CCDC192: variants seen among roughly 807,000 people sequenced by gnomAD.
CCDC192 encodes the protein coiled-coil domain containing 192.
rs13186383 is a variant in CCDC192 at position 127,792,808 on chromosome 5, A to G, written c.223-4295A>G. Among the ~76,000 whole-genome samples, 7 of 121,102 alleles carry G rather than the reference A, an allele frequency of 5.8e-5. No homozygotes were observed. The East Asian group carries it at 1.2e-3, about 22-fold the overall frequency. 79.4% of individuals were successfully genotyped at this position (121,102 alleles called of 152,430 possible). A position where few individuals can be genotyped will look rare whatever the true frequency, so the allele number is the denominator to read the frequency against. Reference sequence around the variant, plus strand: ...GAAGAAGAAGAAGAAGGAGGAGGAGAAGAGGAAGAAGAAGAAGAAGGAGGA... The same window carrying G: ...GAAGAAGAAGAAGAAGGAGGAGGAGGAGAGGAAGAAGAAGAAGAAGGAGGA... On this transcript the variant is annotated intron_variant, in intron 3 of 6. Coordinates refer to ENST00000514853, the MANE Select transcript of CCDC192 (RefSeq NM_001317938.2).
chr5:127,867,569 G>T (rs1459280141), intron 5 of CCDC192, among the ~76,000 whole-genome samples: 4 of 152,116 alleles, frequency 2.6e-5, no homozygotes, highest in Non-Finnish European at 5.9e-5. Flanking sequence ...GGCCCTTTGG[G>T]CACTTTCTGT....
rs1248314467 is a variant in CCDC192 at position 127,941,358 on chromosome 5, CG to C, written c.714del (p.Ser239ValfsTer43). ...ERKIQQLEAE[R>X]SPHPPQEVKD... ...GAAGATTCAGCAGCTGGAAGCTGAG[CG>C]GAGTCCCCATCCTCCCCAAGAGGTC... is the stretch of plus-strand genomic sequence containing the variant. On this transcript the variant is annotated frameshift_variant, in exon 7 of 7. Transcript: ENST00000514853. LOFTEE classifies it low-confidence loss of function (END_TRUNC). The C allele has an allele frequency of 5.0e-6, 2 of 398,958 alleles. No homozygotes were observed. Among genetic ancestry groups the C allele is most frequent in the African/African-American group, 4.1e-5 (2 of 48,620 alleles). 24.7% of individuals were successfully genotyped at this position (398,958 alleles called of 1,614,324 possible). A position where few individuals can be genotyped will look rare whatever the true frequency, so the allele number is the denominator to read the frequency against.
intron 3 of CCDC192, among the ~76,000 whole-genome samples, chr5:127,794,310 A>G (rs1251726974): frequency 6.6e-6 from 1 of 152,200 alleles, no homozygotes; most frequent in Non-Finnish European, 1.5e-5. Flanking sequence ...GATGTCCACT[A>G]CTGAAAACTT....
intron 5 of CCDC192, among the ~76,000 whole-genome samples, chr5:127,806,272 C>T (rs912310166): frequency 2.6e-5 from 4 of 152,140 alleles, no homozygotes; most frequent in Non-Finnish European, 5.9e-5. Context: ...GGGTTCATTA[C>T]ATCACACAAG....
intron 5 of CCDC192, among the ~76,000 whole-genome samples, chr5:127,832,737 T>C (rs1457153226): frequency 1.3e-5 from 2 of 152,090 alleles, no homozygotes; most frequent in Non-Finnish European, 2.9e-5. Context: ...CTGAACCAAA[T>C]CACCAAAACC....
intron 6 of CCDC192, among the ~76,000 whole-genome samples, chr5:127,933,158 G>C (rs1241972346): frequency 6.6e-6 from 1 of 152,134 alleles, no homozygotes; most frequent in Non-Finnish European, 1.5e-5. Flanking sequence ...GGAGGAATAG[G>C]TTACGTGCTA....
At chr5:127,906,864 A>T (rs1753211238) in intron 6 of CCDC192, among the ~76,000 whole-genome samples, 1 of 152,124 alleles carries the variant, frequency 6.6e-6, no homozygotes, top group Non-Finnish European at 1.5e-5. Flanking sequence ...TAGAAGTGAA[A>T]TTTCTAGGTC....
intron 5 of CCDC192, among the ~76,000 whole-genome samples, chr5:127,849,037 C>T (rs1750684627): frequency 6.6e-6 from 1 of 152,024 alleles, no homozygotes; most frequent in African/African-American, 2.4e-5. Context: ...TGAGGCCAGC[C>T]TGGCCAATGT....
chr5:127,802,131 A>G (rs758569964), intron 5 of CCDC192, among the ~76,000 whole-genome samples: 14 of 152,142 alleles, frequency 9.2e-5, no homozygotes, highest in Non-Finnish European at 1.6e-4. Context: ...AATACACTAC[A>G]CTTTGTTGAC....
intron 3 of CCDC192, among the ~76,000 whole-genome samples, chr5:127,795,310 A>C (rs1400598403): frequency 2.1e-5 from 3 of 145,770 alleles, no homozygotes; most frequent in Admixed American, 7.0e-5. Flanking sequence ...AAAAAAAAAA[A>C]CAATTTGGTA....
intron 5 of CCDC192, among the ~76,000 whole-genome samples, chr5:127,864,435 G>A (rs1434810875): frequency 6.6e-6 from 1 of 152,182 alleles, no homozygotes; most frequent in Non-Finnish European, 1.5e-5. Flanking sequence ...TACCAGATAG[G>A]ATATTGAGAT....
intron 3 of CCDC192, chr5:127,787,013 TG>T: frequency 3.0e-6 from 1 of 330,368 alleles, no homozygotes. Flanking sequence ...CTTCAGGCCA[TG>T]GGGGTTCTGG....
intron 5 of CCDC192, among the ~76,000 whole-genome samples, chr5:127,801,874 C>G (rs1385568565): frequency 6.6e-6 from 1 of 152,166 alleles, no homozygotes; most frequent in East Asian, 1.9e-4. Context: ...CTTTTATAGG[C>G]AAAACACAGA....
intron 2 of CCDC192, among the ~76,000 whole-genome samples, chr5:127,711,459 A>G (rs1344302523): frequency 2.0e-5 from 3 of 152,210 alleles, no homozygotes; most frequent in East Asian, 1.9e-4. Context: ...AACATATTAT[A>G]TTTGATAAGT....
At chr5:127,751,635 A>G (rs1042604560) in intron 2 of CCDC192, among the ~76,000 whole-genome samples, 12 of 152,186 alleles carry the variant, frequency 7.9e-5, no homozygotes, top group East Asian at 5.8e-4. Flanking sequence ...GGCGTTCTCT[A>G]TATTTCCTGA....
chr5:127,837,752 G>A (rs1439530719), intron 5 of CCDC192, among the ~76,000 whole-genome samples: 6 of 152,314 alleles, frequency 3.9e-5, no homozygotes, highest in African/African-American at 1.4e-4. Context: ...CACTTTGGGA[G>A]GTCGAAGTGG....
intron 5 of CCDC192, among the ~76,000 whole-genome samples, chr5:127,815,339 C>T (rs923302107): frequency 1.3e-5 from 2 of 152,198 alleles, no homozygotes; most frequent in African/African-American, 4.8e-5. Flanking sequence ...AATTCTTCCT[C>T]TCTCTTGCTG....
chr5:127,895,745 TG>T (rs1752862044), intron 6 of CCDC192, among the ~76,000 whole-genome samples: 1 of 151,184 alleles, frequency 6.6e-6, no homozygotes, highest in Admixed American at 6.6e-5. Context: ...GAGGCTGAGG[TG>T]GGGGTATGAC....
intron 5 of CCDC192, among the ~76,000 whole-genome samples, chr5:127,866,585 C>G (rs1370772497): frequency 6.6e-6 from 1 of 151,066 alleles, no homozygotes; most frequent in African/African-American, 2.4e-5. Context: ...TGATTCATTG[C>G]CAACAATTAC....
Sources: gnomAD v4.1 joint callset for allele counts (sites outside exome capture counted in the v4.1 genomes callset) on GRCh38, gnomAD v4.1.1 for gene constraint, MANE v1.5 for transcripts, NCBI Gene and HGNC (gene_info 2026-07-23, HGNC 2026-07-21) for gene names.